ETV6: variants seen among roughly 807,000 people sequenced by gnomAD.
The protein encoded by ETV6 is ETS variant transcription factor 6.
A neutral mutation model predicts 51.1 loss-of-function variants in ETV6; 16 were observed. That is an observed-to-expected ratio of 0.31 (90% CI 0.21 to 0.48). The LOEUF is 0.48. Ranked by LOEUF, ETV6 falls within the 20% of genes least tolerant of loss-of-function variation. The pLI is 0.99. For missense variants in ETV6, 458 were observed against 594.8 expected, an observed-to-expected ratio of 0.77 and a Z score of 2.39; for synonymous variants, 240 against 224.1, an observed-to-expected ratio of 1.07 and a Z score of -0.64.
chr12:11,865,541 T>A (rs1234741008), intron 4 of ETV6, among the ~76,000 whole-genome samples: 1 of 149,942 alleles, frequency 6.7e-6, no homozygotes, highest in African/African-American at 2.4e-5. Context: ...TCTCTTCAGG[T>A]TTTTTTAAAG....
chr12:11,691,750 G>T (rs551993919), intron 1 of ETV6, among the ~76,000 whole-genome samples: 64 of 152,186 alleles, frequency 4.2e-4, no homozygotes, highest in Non-Finnish European at 7.5e-4. Context: ...CTCTCTCATT[G>T]ATGGGCGTTG....
At chr12:11,761,575 G>A (rs1357441915) in intron 2 of ETV6, among the ~76,000 whole-genome samples, 1 of 152,212 alleles carries the variant, frequency 6.6e-6, no homozygotes, top group Non-Finnish European at 1.5e-5. Flanking sequence ...GATAATTTGT[G>A]TTAAGCCAAC....
chr12:11,820,680 A>ATGGCAGGAAAGGG (rs1946065052), intron 2 of ETV6, among the ~76,000 whole-genome samples: 1 of 151,912 alleles, frequency 6.6e-6, no homozygotes, highest in Admixed American at 6.6e-5. Context: ...GAGGGAAAGG[A>ATGGCAGGAAAGGG]TGATGGCAGG....
At chr12:11,752,726 T>G in intron 2 of ETV6, 147 bp downstream of exon 2, 1 of 956,510 alleles carries the variant, frequency 1.0e-6, no homozygotes, top group Non-Finnish European at 1.5e-6. Flanking sequence ...CACACCCCCC[T>G]ACCCCCAGAT....
At chr12:11,806,663 C>T (rs1358811748) in intron 2 of ETV6, among the ~76,000 whole-genome samples, 1 of 152,190 alleles carries the variant, frequency 6.6e-6, no homozygotes, top group South Asian at 2.1e-4. Context: ...AGAGGCGGCT[C>T]GTCCTCAAGG....
chr12:11,805,465 T>C (rs2724614), intron 2 of ETV6, among the ~76,000 whole-genome samples: 65,778 of 151,994 alleles, frequency 0.43, 14,531 homozygotes, highest in South Asian at 0.59. Context: ...TGTAGTTACA[T>C]GTGGAGGTAA....
At chr12:11,661,293 A>C (rs1864097270) in intron 1 of ETV6, among the ~76,000 whole-genome samples, 1 of 152,154 alleles carries the variant, frequency 6.6e-6, no homozygotes, top group Non-Finnish European at 1.5e-5. Context: ...GTGCCCAGCC[A>C]TTTTGTCCTC....
intron 1 of ETV6, among the ~76,000 whole-genome samples, chr12:11,654,890 C>G (rs1487552455): frequency 6.6e-6 from 1 of 152,118 alleles, no homozygotes; most frequent in Non-Finnish European, 1.5e-5. Context: ...AGTAAGCTCC[C>G]TGTTTCAAAC....
intron 1 of ETV6, among the ~76,000 whole-genome samples, chr12:11,708,188 A>G (rs1326124529): frequency 6.6e-6 from 1 of 152,078 alleles, no homozygotes; most frequent in Non-Finnish European, 1.5e-5. Context: ...AAATTGGAAT[A>G]AGCCAGACAG....
At chr12:11,825,462 C>T (rs1459733830) in intron 2 of ETV6, among the ~76,000 whole-genome samples, 1 of 152,212 alleles carries the variant, frequency 6.6e-6, no homozygotes, top group African/African-American at 2.4e-5. Context: ...AGCAAGCTTT[C>T]GCCTGCATCG....
rs1371267984 is a variant in ETV6 at position 11,894,595 on chromosome 12, G to A, written c.*3549G>A. 1.3e-5 allele frequency: 3 copies of A among 233,108 alleles called. No homozygotes were observed. The Admixed American group carries it at 1.7e-4, about 13-fold the overall frequency. 14.4% of individuals were successfully genotyped at this position (233,108 alleles called of 1,614,324 possible). A position where few individuals can be genotyped will look rare whatever the true frequency, so the allele number is the denominator to read the frequency against. ...CAATGTCTTTTGATACTGATCTCTT[G>A]TCCAAATGAGAATGTCGCTTTAGCT... is the stretch of plus-strand genomic sequence containing the variant. On this transcript the variant is annotated 3_prime_UTR_variant, in exon 8 of 8. Coordinates refer to ENST00000396373, the MANE Select transcript of ETV6 (RefSeq NM_001987.5).
intron 7 of ETV6, among the ~76,000 whole-genome samples, chr12:11,888,044 GA>G (rs1947225552): frequency 6.6e-6 from 1 of 151,752 alleles, no homozygotes; most frequent in Non-Finnish European, 1.5e-5. Context: ...TGGGAGACTA[GA>G]AAAAAGTAAA....
intron 1 of ETV6, among the ~76,000 whole-genome samples, chr12:11,748,897 A>T (rs1865957546): frequency 6.6e-6 from 1 of 151,736 alleles, no homozygotes; most frequent in Non-Finnish European, 1.5e-5. Context: ...TATTTTTTTT[A>T]AAGCTTTCTA....
rs939839890 is a variant in ETV6 at position 11,854,200 on chromosome 12, T to G, written c.463+639T>G. Among the ~76,000 whole-genome samples, 4 of 151,528 alleles carry G rather than the reference T, an allele frequency of 2.6e-5. No homozygotes were observed. In the Admixed American group the frequency reaches 2.6e-4, roughly 10 times the overall value. ...CTAGATCCCGCGCATGCACAGTTCA[T>G]GATAGCGTTTGTGCTTCTATGAGAA... is the stretch of plus-strand genomic sequence containing the variant. On this transcript the variant is annotated intron_variant, in intron 4 of 7. Transcript: ENST00000396373.
intron 2 of ETV6, among the ~76,000 whole-genome samples, chr12:11,835,164 G>T (rs1321053972): frequency 6.6e-6 from 1 of 152,234 alleles, no homozygotes; most frequent in African/African-American, 2.4e-5. Context: ...CGGGAGAGGG[G>T]AGAAGTACAG....
intron 1 of ETV6, among the ~76,000 whole-genome samples, chr12:11,650,671 T>C (rs973921168): frequency 3.9e-5 from 6 of 151,942 alleles, no homozygotes; most frequent in Non-Finnish European, 7.4e-5. Context: ...AGGATTTTTT[T>C]CCCCCTCGTC....
chr12:11,815,894 A>G (rs1319634614), intron 2 of ETV6, among the ~76,000 whole-genome samples: 3 of 152,312 alleles, frequency 2.0e-5, no homozygotes, highest in South Asian at 2.1e-4. Context: ...AGGCAGTTCT[A>G]TTACAGTTTC....
At chr12:11,722,476 A>G (rs1288308842) in intron 1 of ETV6, among the ~76,000 whole-genome samples, 2 of 152,204 alleles carry the variant, frequency 1.3e-5, no homozygotes, top group Non-Finnish European at 2.9e-5. Flanking sequence ...TTTAAGTTTC[A>G]TTTTTAATCT....
intron 1 of ETV6, among the ~76,000 whole-genome samples, chr12:11,745,218 G>A (rs1036381045): frequency 3.3e-5 from 5 of 152,210 alleles, no homozygotes; most frequent in Non-Finnish European, 7.3e-5. Context: ...AGATAAGATT[G>A]TATAGAACCA....
Sources: gnomAD v4.1 joint callset for allele counts (sites outside exome capture counted in the v4.1 genomes callset) on GRCh38, gnomAD v4.1.1 for gene constraint, MANE v1.5 for transcripts, NCBI Gene and HGNC (gene_info 2026-07-23, HGNC 2026-07-21) for gene names.